ORC1: variants seen among roughly 807,000 people sequenced by gnomAD.
ORC1 encodes origin recognition complex, subunit 1 homolog.
Under a neutral mutation model 98.9 loss-of-function variants are expected in ORC1, and 61 were observed. The ratio of observed to expected loss-of-function variants is 0.62; its 90% CI spans 0.50 to 0.76. ORC1 has a LOEUF of 0.76. Ranked by LOEUF, ORC1 falls within the 30% of genes least tolerant of loss-of-function variation. The pLI is 0.00. For missense variants in ORC1, 979 were observed against 1,072.2 expected, an observed-to-expected ratio of 0.91 and a Z score of 1.21; for synonymous variants, 385 against 406.9, an observed-to-expected ratio of 0.95 and a Z score of 0.65.
chr1:52,373,582 A>G (rs1448167764), intron 16 of ORC1, among the ~76,000 whole-genome samples: 2 of 152,178 alleles, frequency 1.3e-5, no homozygotes, highest in Non-Finnish European at 2.9e-5. Flanking sequence ...GCAGGCCCGA[A>G]TCCTGGTGCT....
chr1:52,384,845 G>A, intron 10 of ORC1, 124 bp from the exon 11 acceptor site: 1 of 855,488 alleles, frequency 1.2e-6, no homozygotes, highest in Non-Finnish European at 1.9e-6. Flanking sequence ...GGAGGTGGGG[G>A]CAGTAGGGAC....
At position 52,374,298 on chromosome 1, in the gene ORC1, G is replaced by T. The variant is rs926604981; in HGVS notation, c.2391+512C>A. Among the ~76,000 whole-genome samples the T allele has an allele frequency of 2.0e-5, 3 of 152,198 alleles. No individual in the cohort carries two copies. In the East Asian group the frequency reaches 5.8e-4, roughly 29 times the overall value. On this transcript the variant is annotated intron_variant, in intron 16 of 16. Transcript: ENST00000371568. ...TCCTGACTTATTTTAGTTAAATAAA[G>T]ATGTCTAAAACATACATACACAAAC...
chr1:52,396,171 C>T lies in ORC1; in HGVS notation c.596G>A (p.Ser199Asn). ...ATGTTCTGCTGGGGTCCAAGAAGGG[C>T]TCTCTGCACTCTTACTCTTGGCTCT... is the stretch of plus-strand genomic sequence containing the variant. Reference protein sequence around the residue: ...PVRAKSKSAESPSWTPAEHVA... With the variant: ...PVRAKSKSAENPSWTPAEHVA... Residue 199 changes from serine to asparagine, a missense_variant, in exon 5 of 17, where the codon AGC (serine) becomes AAC (asparagine). Transcript: ENST00000371568. The T allele has an allele frequency of 6.2e-7, 1 of 1,614,132 alleles. No homozygotes were observed. Among genetic ancestry groups the T allele is most frequent in the Non-Finnish European group, 8.5e-7 (1 of 1,180,028 alleles).
upstream of ORC1, among the ~76,000 whole-genome samples, chr1:52,407,887 C>A (rs1438730748): frequency 6.6e-6 from 1 of 152,180 alleles, no homozygotes; most frequent in African/African-American, 2.4e-5. Flanking sequence ...AAAACCGGTC[C>A]CTACTAAAAA....
intron 5 of ORC1, among the ~76,000 whole-genome samples, chr1:52,394,666 T>C (rs1647315651): frequency 6.6e-6 from 1 of 152,232 alleles, no homozygotes; most frequent in Non-Finnish European, 1.5e-5. Flanking sequence ...TCTTTTTTTC[T>C]GAGACAGAGT....
intron 14 of ORC1, among the ~76,000 whole-genome samples, chr1:52,378,862 T>C (rs1647027381): frequency 6.6e-6 from 1 of 150,516 alleles, no homozygotes; most frequent in African/African-American, 2.4e-5. Context: ...TGAAACCCCG[T>C]ATCTACTGAA....
intron 14 of ORC1, among the ~76,000 whole-genome samples, chr1:52,375,821 C>A (rs1037566790): frequency 6.6e-6 from 1 of 151,446 alleles, no homozygotes; most frequent in African/African-American, 2.4e-5. Flanking sequence ...GTGGACAACA[C>A]AGAAATTCTC....
chr1:52,399,603 G>A (rs1206362249), intron 3 of ORC1, among the ~76,000 whole-genome samples: 31 of 127,322 alleles, frequency 2.4e-4, no homozygotes, highest in South Asian at 2.6e-4. Flanking sequence ...CAGACTGGGC[G>A]ACACAGCGAG....
intron 11 of ORC1, 63 bp downstream of exon 11, chr1:52,384,486 CT>C: frequency 6.9e-7 from 1 of 1,451,470 alleles, no homozygotes; most frequent in Non-Finnish European, 9.6e-7. Context: ...TTAAGTAACT[CT>C]TTCCTTTTTC....
At chr1:52,397,163 C>A (rs1167388492) in intron 4 of ORC1, among the ~76,000 whole-genome samples, 2 of 152,184 alleles carry the variant, frequency 1.3e-5, no homozygotes, top group East Asian at 3.8e-4. Flanking sequence ...AGCATACAAC[C>A]ACACCTCACA....
In ORC1 at chr1:52,389,274, T is replaced by G. The variant is rs369381928; in HGVS notation, c.1130A>C (p.His377Pro). Residue 377 changes from histidine (H) to proline (P), a missense_variant, in exon 7 of 17, where the codon CAT (histidine) becomes CCT (proline). Physicochemically the swap from His to Pro is moderately conservative, Grantham distance 77. Transcript: ENST00000371568. ...GACAGAACTCTTTCTGCGGATACGA[T>G]GGGGAGTAGAGGTCGCTTCATTCTG... ...KAQNEATSTPHRIRRKSSVLT... is the reference protein window; with the variant it reads ...KAQNEATSTPPRIRRKSSVLT... The G allele has an allele frequency of 3.1e-6, 5 of 1,614,176 alleles. No homozygotes were observed. Among genetic ancestry groups the G allele is most frequent in the Non-Finnish European group, 4.2e-6 (5 of 1,180,016 alleles).
intron 14 of ORC1, among the ~76,000 whole-genome samples, chr1:52,380,217 C>T (rs1258387233): frequency 6.6e-6 from 1 of 152,148 alleles, no homozygotes; most frequent in African/African-American, 2.4e-5. Context: ...CAGATCATCC[C>T]ACAGCAAATC....
At chr1:52,384,749 G>T (rs1029989161) in intron 10 of ORC1, 28 bp from the exon 11 acceptor site, 1 of 1,596,704 alleles carries the variant, frequency 6.3e-7, no homozygotes, top group Non-Finnish European at 8.5e-7. Flanking sequence ...AACCCGTGGG[G>T]TAGGTCTCAG....
intron 5 of ORC1, 54 bp downstream of exon 5, chr1:52,395,992 T>C: frequency 2.5e-6 from 4 of 1,612,206 alleles, no homozygotes; most frequent in Non-Finnish European, 3.4e-6. Flanking sequence ...ATCATTTTTA[T>C]CACATAACCC....
At chr1:52,382,292 T>C (rs942740974) in intron 13 of ORC1, among the ~76,000 whole-genome samples, 1 of 151,900 alleles carries the variant, frequency 6.6e-6, no homozygotes, top group Non-Finnish European at 1.5e-5. Flanking sequence ...ACTGGGATTA[T>C]AGGCATGAGC....
In ORC1 at chr1:52,397,991, A is replaced by G. The variant is rs1647498793; in HGVS notation, c.224-128T>C. ...GGTTTTGTTTTTTGTTTTTTGAGACAGAGTCTCTGTCACCCAGGCTGGAGT... is the reference window on the plus strand; with the variant it reads ...GGTTTTGTTTTTTGTTTTTTGAGACGGAGTCTCTGTCACCCAGGCTGGAGT... On this transcript the variant is annotated intron_variant, in intron 3 of 16. Transcript: ENST00000371568. 3 of 874,810 alleles carry G rather than the reference A, an allele frequency of 3.4e-6. No individual in the cohort carries two copies. The African/African-American group carries it at 5.0e-5, about 15-fold the overall frequency. 54.2% of individuals were successfully genotyped at this position (874,810 alleles called of 1,614,324 possible).
In ORC1 at chr1:52,389,219, A is replaced by G. The variant is rs777555692; in HGVS notation, c.1185T>C (p.Leu395=). Residue 395 remains leucine (L), a splice_region_variant and synonymous_variant, in exon 7 of 17, where the codon CTT becomes CTC. Coordinates refer to ENST00000371568, the MANE Select transcript of ORC1 (RefSeq NM_004153.4). The stretch of plus-strand genomic sequence containing the variant: ...TGCCTGCCAAGGAGTAGTCTTACCG[A>G]AGCTGCTGCCTAATCCGATTCATAG... The part of the protein sequence containing the change: ...VLTMNRIRQQ[L]RFLGNSKSDQ... The G allele has an allele frequency of 1.2e-6, 2 of 1,612,228 alleles. No homozygotes were observed. The highest frequency in any genetic ancestry group is 1.7e-6 in the Non-Finnish European group (2 of 1,178,364).
upstream of ORC1, among the ~76,000 whole-genome samples, chr1:52,407,005 AAGGGAAGAGGAACAACTCTTTT>A: frequency 6.6e-6 from 1 of 152,228 alleles, no homozygotes; most frequent in South Asian, 2.1e-4. Context: ...ATATAGGAAA[AAGGGAAGAGGAACAACTCTTTT>A]TTTTGTTTGA....
At chr1:52,402,988 C>T (rs191522569) in intron 1 of ORC1, among the ~76,000 whole-genome samples, 173 of 152,308 alleles carry the variant, frequency 1.1e-3, no homozygotes, top group Non-Finnish European at 1.7e-3. Context: ...AACTCAAACC[C>T]GGAAAAGCCA....
Sources: gnomAD v4.1 joint callset for allele counts (sites outside exome capture counted in the v4.1 genomes callset) on GRCh38, gnomAD v4.1.1 for gene constraint, MANE v1.5 for transcripts, NCBI Gene and HGNC (gene_info 2026-07-23, HGNC 2026-07-21) for gene names.